Variants in TRDN observed in about 807,000 individuals in gnomAD.
The protein encoded by TRDN is triadin in skeletal muscle.
TRDN carries 161 observed loss-of-function variants against 149.7 expected under a neutral mutation model. The ratio of observed to expected loss-of-function variants is 1.08; its 90% CI spans 0.95 to 1.23. TRDN has a LOEUF of 1.23. Among genes scored for constraint, TRDN ranks in the 50% most tolerant of loss-of-function variants. The pLI, the probability that TRDN is intolerant of heterozygous loss-of-function variation, is 0.00. For synonymous variants in TRDN, 294 were observed against 250.5 expected (o/e 1.17, Z -1.64); for missense variants, 896 against 823.5 (o/e 1.09, Z -1.08).
At chr6:123,385,043 GAT>G (rs1420989433) in intron 14 of TRDN, among the ~76,000 whole-genome samples, 2 of 152,148 alleles carry the variant, frequency 1.3e-5, no homozygotes, top group Non-Finnish European at 2.9e-5. Flanking sequence ...TAAAAGCAGT[GAT>G]GTGTTTGCCA....
chr6:123,328,911 T>C (rs1779564831), intron 23 of TRDN, among the ~76,000 whole-genome samples: 1 of 152,156 alleles, frequency 6.6e-6, no homozygotes, highest in South Asian at 2.1e-4. Context: ...CGCAGCTTCT[T>C]TTTGGCTTAC....
In TRDN at chr6:123,631,286, G is replaced by A. The variant is rs142391758; in HGVS notation, c.22+5468C>T. ...CATACTTAATACCCTGTCAATAAATGCAATGTTCCAAGCCATAGCACTTTT... is the reference window on the plus strand; with the variant it reads ...CATACTTAATACCCTGTCAATAAATACAATGTTCCAAGCCATAGCACTTTT... On this transcript the variant is annotated intron_variant, in intron 1 of 40. Transcript: ENST00000334268. 3.6e-4 allele frequency among the ~76,000 whole-genome samples: 55 copies of A among 151,942 alleles called. No individual in the cohort carries two copies. In the East Asian group the frequency reaches 8.7e-3, roughly 24 times the overall value.
chr6:123,251,906 G>A (rs932809231), intron 38 of TRDN, among the ~76,000 whole-genome samples: 2 of 151,646 alleles, frequency 1.3e-5, no homozygotes, highest in African/African-American at 4.8e-5. Flanking sequence ...TTATATTTAG[G>A]TTTCTTAGAT....
At chr6:123,276,273 G>T (rs1217902909) in intron 26 of TRDN, among the ~76,000 whole-genome samples, 1 of 152,052 alleles carries the variant, frequency 6.6e-6, no homozygotes, top group Non-Finnish European at 1.5e-5. Flanking sequence ...TAAAGATGAG[G>T]TCTCAAGAAA....
At chr6:123,220,922 TA>T (rs1475125383) in intron 40 of TRDN, among the ~76,000 whole-genome samples, 2 of 151,816 alleles carry the variant, frequency 1.3e-5, no homozygotes, top group African/African-American at 4.8e-5. Flanking sequence ...CAAAAATGTC[TA>T]ATTTGGAAGA....
At chr6:123,624,020 T>A (rs1785526733) in intron 1 of TRDN, among the ~76,000 whole-genome samples, 2 of 152,116 alleles carry the variant, frequency 1.3e-5, no homozygotes, top group Admixed American at 6.6e-5. Flanking sequence ...TGTCAGAGAG[T>A]TACATATACA....
At chr6:123,447,173 T>A (rs1286330435) in intron 10 of TRDN, among the ~76,000 whole-genome samples, 3 of 152,196 alleles carry the variant, frequency 2.0e-5, no homozygotes, top group Non-Finnish European at 2.9e-5. Flanking sequence ...CTTCTCATTA[T>A]CAACTGTTAA....
chr6:123,575,285 G>A (rs1300274300), intron 1 of TRDN, among the ~76,000 whole-genome samples: 2 of 151,886 alleles, frequency 1.3e-5, no homozygotes, highest in African/African-American at 4.8e-5. Context: ...ACATTAAGTT[G>A]TACCTTTCAA....
At chr6:123,614,936 TCAAA>T (rs1785008481) in intron 1 of TRDN, among the ~76,000 whole-genome samples, 1 of 151,734 alleles carries the variant, frequency 6.6e-6, no homozygotes, top group African/African-American at 2.4e-5. Context: ...TACAAGAAAC[TCAAA>T]CAATAGCAAA....
intron 9 of TRDN, chr6:123,470,813 G>A (rs1777109885): frequency 6.6e-6 from 1 of 152,174 alleles, no homozygotes; most frequent in Non-Finnish European, 1.5e-5. Flanking sequence ...ATCAGCTGGA[G>A]ACTACTGAAA....
chr6:123,281,116 GATATTC>G (rs1482320078), intron 24 of TRDN, among the ~76,000 whole-genome samples: 6 of 151,880 alleles, frequency 4.0e-5, no homozygotes, highest in Non-Finnish European at 8.8e-5. Flanking sequence ...TCATCTTTCT[GATATTC>G]AGGCGGAAAA....
At chr6:123,301,479 G>C (rs1778393366) in intron 24 of TRDN, among the ~76,000 whole-genome samples, 1 of 151,424 alleles carries the variant, frequency 6.6e-6, no homozygotes, top group Non-Finnish European at 1.5e-5. Context: ...CCTGTAGCTT[G>C]GGCAAAATAA....
chr6:123,533,917 A>T (rs1014183503), intron 4 of TRDN, among the ~76,000 whole-genome samples: 1 of 152,174 alleles, frequency 6.6e-6, no homozygotes, highest in African/African-American at 2.4e-5. Context: ...AATTTATTTC[A>T]GAGCAGTTAT....
chr6:123,225,466 G>A (rs1176563210), intron 38 of TRDN, among the ~76,000 whole-genome samples: 1 of 151,416 alleles, frequency 6.6e-6, no homozygotes, highest in African/African-American at 2.4e-5. Flanking sequence ...TATATTGTAT[G>A]CTTGAAACTT....
At chr6:123,370,013 C>T (rs1315607983) in intron 19 of TRDN, among the ~76,000 whole-genome samples, 2 of 152,072 alleles carry the variant, frequency 1.3e-5, no homozygotes, top group African/African-American at 2.4e-5. Context: ...CCACTTCTAT[C>T]CTCTCACTCT....
intron 35 of TRDN, among the ~76,000 whole-genome samples, 167 bp from the exon 36 acceptor site, chr6:123,256,069 C>T (rs1776547925): frequency 6.6e-6 from 1 of 151,938 alleles, no homozygotes; most frequent in South Asian, 2.1e-4. Context: ...AGGTATTTTT[C>T]CTAATGCTAT....
Position 123,218,359 on chromosome 6 carries a change from A to C in TRDN, c.*242T>G, listed in dbSNP as rs1775019581. ...CCTTATAGTGACTGGAAATAAGATA[A>C]ATACAAGCACCCCCTCCCACCGCAG... On this transcript the variant is annotated 3_prime_UTR_variant, in exon 41 of 41. Coordinates refer to ENST00000334268, the MANE Select transcript of TRDN (RefSeq NM_006073.4). 1 of 409,268 alleles carries C rather than the reference A, an allele frequency of 2.4e-6. No homozygotes were observed. The highest frequency in any genetic ancestry group is 4.4e-6 in the Non-Finnish European group (1 of 227,328). 25.4% of individuals were successfully genotyped at this position (409,268 alleles called of 1,614,324 possible). A position where few individuals can be genotyped will look rare whatever the true frequency, so the allele number is the denominator to read the frequency against.
At chr6:123,233,664 G>T (rs1775690459) in intron 38 of TRDN, among the ~76,000 whole-genome samples, 1 of 152,090 alleles carries the variant, frequency 6.6e-6, no homozygotes, top group African/African-American at 2.4e-5. Context: ...GATCAGAGTG[G>T]TGAGTATGAT....
intron 2 of TRDN, among the ~76,000 whole-genome samples, chr6:123,568,229 T>C (rs1782388882): frequency 6.6e-6 from 1 of 152,192 alleles, no homozygotes; most frequent in African/African-American, 2.4e-5. Context: ...TCCCAAGGAA[T>C]TGGGCAGCTC....
Sources: allele counts gnomAD v4.1 joint callset (sites outside exome capture counted in the v4.1 genomes callset), GRCh38; gene constraint gnomAD v4.1.1; transcripts MANE v1.5; gene names NCBI Gene and HGNC (gene_info 2026-07-23, HGNC 2026-07-21).